The following OR56A3 variants were observed in gnomAD, a reference collection of about 807,000 sequenced individuals.
OR56A3 encodes the protein olfactory receptor 56A3.
OR56A3 carries 23 observed loss-of-function variants against 17.5 expected under a neutral mutation model. That is an observed-to-expected ratio of 1.32 (90% CI 0.95 to 1.87). OR56A3 has a LOEUF of 1.87. OR56A3 is among the 40% of genes most tolerant of loss of function. The probability of loss-of-function intolerance (pLI) is 0.00; values close to 1 mark genes in which losing one functional copy is unlikely to be tolerated. For missense variants in OR56A3, 366 were observed against 380.1 expected (o/e 0.96, Z 0.31); for synonymous variants, 175 against 150.6 (o/e 1.16, Z -1.19).
At chr11:5,975,609 G>T in the OR56A3 span, among the ~76,000 whole-genome samples, 10 of 151,952 alleles carry the variant, frequency 6.6e-5, no homozygotes, top group Admixed American at 5.2e-4. Context: ...GTCTATCATT[G>T]TTGGACATTT....
chr11:5,952,075 A>G (rs1847911161), downstream of OR56A3, among the ~76,000 whole-genome samples: 1 of 152,242 alleles, frequency 6.6e-6, no homozygotes, highest in Non-Finnish European at 1.5e-5. Flanking sequence ...GAACTTATAT[A>G]ATACATCAAC....
chr11:5,990,569 T>C, the OR56A3 span, among the ~76,000 whole-genome samples: 1 of 152,132 alleles, frequency 6.6e-6, no homozygotes, highest in African/African-American at 2.4e-5. Context: ...TCTATCCCTC[T>C]CTCCTCAATC....
the OR56A3 span, among the ~76,000 whole-genome samples, chr11:5,965,180 C>T: frequency 2.0e-5 from 3 of 152,164 alleles, no homozygotes; most frequent in Non-Finnish European, 2.9e-5. Flanking sequence ...GAGAAATCAA[C>T]GTGCATTAGA....
At chr11:6,018,852 C>T in the OR56A3 span, among the ~76,000 whole-genome samples, 7 of 151,918 alleles carry the variant, frequency 4.6e-5, no homozygotes, top group Non-Finnish European at 1.0e-4. Context: ...GATATTACAA[C>T]TGATACCATA....
chr11:5,981,733 C>T, the OR56A3 span, among the ~76,000 whole-genome samples: 48 of 152,144 alleles, frequency 3.2e-4, no homozygotes, highest in African/African-American at 1.2e-3. Flanking sequence ...AAGAAGATAC[C>T]CTGTCTTTTT....
chr11:6,002,667 C>T, the OR56A3 span: 2 of 1,614,242 alleles, frequency 1.2e-6, no homozygotes, highest in Admixed American at 3.3e-5. Context: ...GGTCAAAAAA[C>T]TGTTCATGAT....
the OR56A3 span, chr11:6,006,801 T>C: frequency 6.6e-6 from 1 of 152,246 alleles, no homozygotes; most frequent in African/African-American, 2.4e-5. Context: ...TGTCATCTAC[T>C]ACACTAGGCC....
chr11:5,959,978 A>G, the OR56A3 span, among the ~76,000 whole-genome samples: 1 of 152,204 alleles, frequency 6.6e-6, no homozygotes, highest in Non-Finnish European at 1.5e-5. Flanking sequence ...TAGATTTTAA[A>G]TGAATAGATT....
the OR56A3 span, among the ~76,000 whole-genome samples, chr11:5,980,403 C>T: frequency 1.4e-5 from 2 of 140,468 alleles, no homozygotes; most frequent in African/African-American, 2.5e-5. Flanking sequence ...TGAGTCTTCT[C>T]GATGAATTGA....
chr11:5,983,148 AT>A, the OR56A3 span, among the ~76,000 whole-genome samples: 12 of 151,586 alleles, frequency 7.9e-5, no homozygotes, highest in South Asian at 2.5e-3. Context: ...GACTTAATTT[AT>A]TGTTCCTTTT....
At chr11:6,004,585 C>T in the OR56A3 span, among the ~76,000 whole-genome samples, 1 of 152,108 alleles carries the variant, frequency 6.6e-6, no homozygotes, top group Admixed American at 6.5e-5. Context: ...ATACAATATA[C>T]ATTATTTAAA....
the OR56A3 span, among the ~76,000 whole-genome samples, chr11:5,973,265 C>G: frequency 3.9e-5 from 6 of 152,188 alleles, no homozygotes; most frequent in Non-Finnish European, 7.4e-5. Context: ...ATGGCAATTG[C>G]ATTACATTAT....
At chr11:6,018,032 G>A in the OR56A3 span, among the ~76,000 whole-genome samples, 1 of 69,200 alleles carries the variant, frequency 1.4e-5, no homozygotes, top group Admixed American at 1.8e-4. Context: ...AATTATGTGT[G>A]TGTGTGTGTA....
Position 5,947,617 on chromosome 11 carries a change from T to A in OR56A3, c.271T>A (p.Phe91Ile). 1 of 1,614,208 alleles carries A rather than the reference T, an allele frequency of 6.2e-7. No homozygotes were observed. The highest frequency in any genetic ancestry group is 1.1e-5 in the South Asian group (1 of 91,078). The part of the protein sequence containing the change: ...VIPKVLTIFW[F>I]DLRPISFPAC... Reference sequence around the variant, plus strand: ...CCCCAAGGTCCTGACCATCTTCTGGTTTGACCTCAGGCCCATCAGCTTCCC... The same window carrying A: ...CCCCAAGGTCCTGACCATCTTCTGGATTGACCTCAGGCCCATCAGCTTCCC... Residue 91 changes from phenylalanine to isoleucine, a missense_variant, in exon 3 of 3, where the codon TTT (phenylalanine) becomes ATT (isoleucine). Phe to Ile is a conservative substitution (Grantham distance 21). Coordinates refer to ENST00000641160, the MANE Select transcript of OR56A3 (RefSeq NM_001003443.3).
chr11:6,017,552 C>A, the OR56A3 span, among the ~76,000 whole-genome samples: 1 of 152,082 alleles, frequency 6.6e-6, no homozygotes, highest in Non-Finnish European at 1.5e-5. Context: ...AACCAAGAAA[C>A]CACCCTCATA....
the OR56A3 span, among the ~76,000 whole-genome samples, chr11:6,011,160 T>C: frequency 6.6e-6 from 1 of 150,752 alleles, no homozygotes; most frequent in South Asian, 2.1e-4. Flanking sequence ...ACTAGCAAAT[T>C]ACTTTCTTGC....
the OR56A3 span, among the ~76,000 whole-genome samples, chr11:5,973,633 C>G: frequency 6.6e-6 from 1 of 151,912 alleles, no homozygotes; most frequent in Non-Finnish European, 1.5e-5. Flanking sequence ...CCTTCACCTC[C>G]TAGGTCCAAC....
At chr11:5,957,202 C>T in the OR56A3 span, among the ~76,000 whole-genome samples, 2 of 152,132 alleles carry the variant, frequency 1.3e-5, no homozygotes, top group East Asian at 3.9e-4. Context: ...GCTTATAGCA[C>T]TTCTCACAGA....
the OR56A3 span, among the ~76,000 whole-genome samples, chr11:6,009,935 A>G: frequency 6.6e-6 from 1 of 151,982 alleles, no homozygotes; most frequent in Non-Finnish European, 1.5e-5. Flanking sequence ...TTCAAATTGT[A>G]TTGGTTTCAG....
Sources: allele counts gnomAD v4.1 joint callset (sites outside exome capture counted in the v4.1 genomes callset), GRCh38; gene constraint gnomAD v4.1.1; transcripts MANE v1.5; gene names NCBI Gene and HGNC (gene_info 2026-07-23, HGNC 2026-07-21).